ESRRG: variants seen among roughly 807,000 people sequenced by gnomAD.
ESRRG encodes estrogen-related receptor gamma.
ESRRG carries 13 observed loss-of-function variants against 44.0 expected under a neutral mutation model. That is an observed-to-expected ratio of 0.30 (90% CI 0.19 to 0.47). The LOEUF (loss-of-function observed/expected upper bound fraction) is 0.47, where lower values mean the gene tolerates loss of function less well. ESRRG is among the 20% of genes least tolerant of loss of function. The probability of loss-of-function intolerance (pLI) is 1.00; values close to 1 mark genes in which losing one functional copy is unlikely to be tolerated. For missense variants in ESRRG, 395 were observed against 580.6 expected (o/e 0.68, Z 3.29); for synonymous variants, 215 against 214.6 (o/e 1.00, Z -0.02).
At chr1:216,619,352 C>CATTGGAAAT (rs778019044) in intron 3 of ESRRG, among the ~76,000 whole-genome samples, 2 of 152,186 alleles carry the variant, frequency 1.3e-5, no homozygotes, top group African/African-American at 2.4e-5. Flanking sequence ...GAAAAGACAT[C>CATTGGAAAT]ATTGGAAATA....
At chr1:216,761,083 G>A (rs1262652665) in intron 2 of ESRRG, among the ~76,000 whole-genome samples, 1 of 151,544 alleles carries the variant, frequency 6.6e-6, no homozygotes, top group Non-Finnish European at 1.5e-5. Flanking sequence ...AGGTGTTAAT[G>A]TCTAGGAGAG....
chr1:216,664,404 C>T (rs2073337646), intron 2 of ESRRG, among the ~76,000 whole-genome samples: 1 of 151,204 alleles, frequency 6.6e-6, no homozygotes, highest in Non-Finnish European at 1.5e-5. Context: ...CAATGTGTGA[C>T]ACTTTGCAAA....
chr1:216,643,524 A>G (rs1003018881), intron 3 of ESRRG, among the ~76,000 whole-genome samples: 3 of 152,178 alleles, frequency 2.0e-5, no homozygotes, highest in African/African-American at 7.2e-5. Flanking sequence ...TTGTCAAGCT[A>G]AAGGATTTAA....
intron 2 of ESRRG, among the ~76,000 whole-genome samples, chr1:216,842,313 T>A (rs1577141743): frequency 6.6e-6 from 1 of 152,148 alleles, no homozygotes; most frequent in East Asian, 1.9e-4. Flanking sequence ...AGAAAGACAT[T>A]GCTTTCTAGG....
chr1:216,840,895 T>C (rs1262198165), intron 2 of ESRRG, among the ~76,000 whole-genome samples: 1 of 152,022 alleles, frequency 6.6e-6, no homozygotes, highest in East Asian at 1.9e-4. Context: ...TGATCATAGA[T>C]CACCATACAA....
rs2040635728 is a variant in ESRRG, at chr1:216,503,287, C to T, written c.*3652G>A. On this transcript the variant is annotated 3_prime_UTR_variant, in exon 7 of 7. Transcript: ENST00000408911. ...AGCTTGTTTAATATTGCTCTACCATCATCCTGAAAGGCATAATAATTTGAG... is the reference window on the plus strand; with the variant it reads ...AGCTTGTTTAATATTGCTCTACCATTATCCTGAAAGGCATAATAATTTGAG... 6.6e-6 allele frequency: 1 copy of T among 152,312 alleles called. No homozygotes were observed. Among genetic ancestry groups the T allele is most frequent in the Non-Finnish European group, 1.5e-5 (1 of 67,954 alleles). The allele number at this position is 152,312 out of a possible 1,614,324, so 9.4% of individuals were successfully genotyped here.
At chr1:216,926,850 C>T (rs2576241) in intron 2 of ESRRG, among the ~76,000 whole-genome samples, 2 of 151,846 alleles carry the variant, frequency 1.3e-5, no homozygotes, top group Non-Finnish European at 2.9e-5. Context: ...GCCAGAGCGC[C>T]GGGTGGAATG....
chr1:216,969,480 A>T (rs750772689), intron 1 of ESRRG, among the ~76,000 whole-genome samples: 2 of 152,196 alleles, frequency 1.3e-5, no homozygotes, highest in Non-Finnish European at 1.5e-5. Flanking sequence ...ACAACCCATG[A>T]TCTAACATAA....
intron 2 of ESRRG, among the ~76,000 whole-genome samples, chr1:216,870,441 C>T (rs1429057894): frequency 1.3e-5 from 2 of 151,752 alleles, no homozygotes; most frequent in Non-Finnish European, 2.9e-5. Context: ...CTTTGTATTT[C>T]TCTCTCTCGT....
intron 1 of ESRRG, among the ~76,000 whole-genome samples, chr1:217,134,152 T>C (rs2093014098): frequency 6.6e-6 from 1 of 152,072 alleles, no homozygotes; most frequent in Admixed American, 6.5e-5. Context: ...GGGAGGGAAC[T>C]GGGGATGCGA....
intron 1 of ESRRG, among the ~76,000 whole-genome samples, chr1:216,682,252 G>A (rs2077155064): frequency 6.6e-6 from 1 of 152,146 alleles, no homozygotes; most frequent in African/African-American, 2.4e-5. Context: ...CTTCTCATGT[G>A]TTATACTAAG....
chr1:216,924,905 A>G (rs946824885), intron 2 of ESRRG, among the ~76,000 whole-genome samples: 1 of 152,134 alleles, frequency 6.6e-6, no homozygotes, highest in Admixed American at 6.6e-5. Context: ...TAATAAAAGT[A>G]TATGGTCTTT....
At chr1:216,833,521 G>A (rs569950121) in intron 2 of ESRRG, among the ~76,000 whole-genome samples, 1 of 152,282 alleles carries the variant, frequency 6.6e-6, no homozygotes, top group Admixed American at 6.5e-5. Flanking sequence ...CCTTCTTCAA[G>A]ATCCAGATTC....
At chr1:216,554,746 T>A (rs140427772) in intron 5 of ESRRG, among the ~76,000 whole-genome samples, 2 of 152,110 alleles carry the variant, frequency 1.3e-5, no homozygotes, top group Admixed American at 6.6e-5. Context: ...GAAAAGAGAA[T>A]AATAAAAATG....
chr1:216,596,795 G>T (rs2058508167), intron 3 of ESRRG, among the ~76,000 whole-genome samples: 1 of 152,116 alleles, frequency 6.6e-6, no homozygotes, highest in Admixed American at 6.5e-5. Flanking sequence ...GCATATGTTT[G>T]CATCTGTCTA....
intron 1 of ESRRG, among the ~76,000 whole-genome samples, chr1:216,952,318 A>T (rs1266897218): frequency 1.3e-5 from 2 of 152,196 alleles, no homozygotes; most frequent in East Asian, 3.9e-4. Flanking sequence ...TGTAGAAGAG[A>T]TAGTGGCCCT....
intron 1 of ESRRG, among the ~76,000 whole-genome samples, chr1:216,680,130 C>T (rs2076790726): frequency 2.0e-5 from 3 of 152,172 alleles, no homozygotes; most frequent in African/African-American, 4.8e-5. Context: ...TGGCCTGCCA[C>T]GAACTGTTTC....
chr1:217,026,912 C>CACACACACACACAGAGAGAGAGAGAGAG (rs1255637839), intron 1 of ESRRG, among the ~76,000 whole-genome samples: 7 of 93,470 alleles, frequency 7.5e-5, no homozygotes, highest in Non-Finnish European at 8.6e-5. Flanking sequence ...CACACACACA[C>CACACACACACACAGAGAGAGAGAGAGAG]AGAGAGAGAG....
At chr1:216,793,646 C>T (rs918965067) in intron 2 of ESRRG, among the ~76,000 whole-genome samples, 2 of 152,150 alleles carry the variant, frequency 1.3e-5, no homozygotes, top group Admixed American at 1.3e-4. Flanking sequence ...TCCCAGGTTC[C>T]TGACTCTCAG....
Sources: gnomAD v4.1 joint callset for allele counts (sites outside exome capture counted in the v4.1 genomes callset) on GRCh38, gnomAD v4.1.1 for gene constraint, MANE v1.5 for transcripts, NCBI Gene and HGNC (gene_info 2026-07-23, HGNC 2026-07-21) for gene names.